The following PRKG1 variants were observed in gnomAD, a reference collection of about 807,000 sequenced individuals.
PRKG1 encodes protein kinase cGMP-dependent 1.
Under a neutral mutation model 88.1 loss-of-function variants are expected in PRKG1, and 35 were observed. The ratio of observed to expected loss-of-function variants is 0.40; its 90% CI spans 0.30 to 0.53. PRKG1 has a LOEUF of 0.53. Ranked by LOEUF, PRKG1 falls within the 20% of genes least tolerant of loss-of-function variation. PRKG1 has a pLI of 0.59. For synonymous variants in PRKG1, 303 were observed against 292.5 expected (o/e 1.04, Z -0.37); for missense variants, 540 against 839.8 (o/e 0.64, Z 4.41).
At chr10:51,662,997 C>A (rs1476397554) in intron 3 of PRKG1, among the ~76,000 whole-genome samples, 2 of 152,004 alleles carry the variant, frequency 1.3e-5, no homozygotes, top group African/African-American at 2.4e-5. Flanking sequence ...CTATGGAACT[C>A]AGGCAACTAC....
At chr10:51,193,926 C>T (rs1179811371) in intron 2 of PRKG1, among the ~76,000 whole-genome samples, 2 of 152,028 alleles carry the variant, frequency 1.3e-5, no homozygotes, top group African/African-American at 4.8e-5. Context: ...AAAGCAACAC[C>T]CTAAAACTTC....
chr10:51,206,788 A>T (rs2132065435), intron 2 of PRKG1, among the ~76,000 whole-genome samples: 1 of 152,332 alleles, frequency 6.6e-6, no homozygotes, highest in East Asian at 1.9e-4. Context: ...AACTGCAGTT[A>T]TAGCTTTTTG....
At chr10:51,524,087 C>T (rs57008804) in intron 3 of PRKG1, among the ~76,000 whole-genome samples, 2,630 of 152,236 alleles carry the variant, frequency 0.017, 54 homozygotes, top group African/African-American at 0.044. Context: ...GGTTCTCTTT[C>T]TTGTCCTTGC....
intron 3 of PRKG1, among the ~76,000 whole-genome samples, chr10:51,681,663 G>T (rs1055877732): frequency 6.6e-6 from 1 of 152,052 alleles, no homozygotes; most frequent in Non-Finnish European, 1.5e-5. Flanking sequence ...CACTTCACTT[G>T]AGCTGGTAGT....
chr10:51,591,283 TAAAAC>T (rs1838305936), intron 3 of PRKG1, among the ~76,000 whole-genome samples: 1 of 152,222 alleles, frequency 6.6e-6, no homozygotes, highest in Admixed American at 6.5e-5. Flanking sequence ...TTGTCAAATG[TAAAAC>T]TGTTGGTAGC....
chr10:51,447,446 G>A, intron 2 of PRKG1, among the ~76,000 whole-genome samples: 1 of 151,976 alleles, frequency 6.6e-6, no homozygotes, highest in East Asian at 1.9e-4. Context: ...GTCTTCAGTA[G>A]ATATATAAGA....
intron 2 of PRKG1, among the ~76,000 whole-genome samples, chr10:51,279,098 A>G (rs1011603271): frequency 3.3e-5 from 5 of 152,182 alleles, no homozygotes; most frequent in East Asian, 1.9e-4. Flanking sequence ...ATTTAGTGCT[A>G]TAAGTTTCCC....
chr10:51,955,140 A>G (rs1365531399), intron 5 of PRKG1, among the ~76,000 whole-genome samples: 2 of 151,842 alleles, frequency 1.3e-5, no homozygotes, highest in African/African-American at 4.8e-5. Context: ...TCTGTTGGGG[A>G]GTCTTTGAAA....
intron 5 of PRKG1, among the ~76,000 whole-genome samples, chr10:51,972,706 C>T (rs1843738996): frequency 6.6e-6 from 1 of 152,138 alleles, no homozygotes; most frequent in African/African-American, 2.4e-5. Flanking sequence ...TGACCTGTCC[C>T]TTACTTCTAG....
chr10:51,063,376 G>T (rs1405398429), intron 1 of PRKG1, among the ~76,000 whole-genome samples: 3 of 152,144 alleles, frequency 2.0e-5, no homozygotes, highest in Non-Finnish European at 1.5e-5. Context: ...CAGACTATAT[G>T]ATATAGCGTA....
intron 2 of PRKG1, among the ~76,000 whole-genome samples, chr10:51,449,537 C>A (rs979679017): frequency 6.2e-5 from 9 of 144,804 alleles, no homozygotes; most frequent in Non-Finnish European, 9.0e-5. Flanking sequence ...AAATAAAGGC[C>A]CAAGGCTAGC....
At chr10:51,411,864 C>G (rs1239281790) in intron 2 of PRKG1, among the ~76,000 whole-genome samples, 1 of 152,010 alleles carries the variant, frequency 6.6e-6, no homozygotes, top group Non-Finnish European at 1.5e-5. Flanking sequence ...GGATTTAAAA[C>G]CAACTAGAGG....
At chr10:51,690,963 C>T (rs1013652997) in intron 3 of PRKG1, among the ~76,000 whole-genome samples, 1 of 148,112 alleles carries the variant, frequency 6.8e-6, no homozygotes, top group Non-Finnish European at 1.5e-5. Flanking sequence ...AATTACGTTC[C>T]ATTATGTATA....
At chr10:51,682,732 A>C (rs1840882513) in intron 3 of PRKG1, among the ~76,000 whole-genome samples, 1 of 152,220 alleles carries the variant, frequency 6.6e-6, no homozygotes, top group Non-Finnish European at 1.5e-5. Context: ...TGAGGTGTAG[A>C]AATGAGTCAC....
Position 50,991,289 on chromosome 10 carries a change from T to TCCGCTGC in PRKG1, c.-88_-82dup. 1 of 1,452,642 alleles carries TCCGCTGC rather than the reference T, an allele frequency of 6.9e-7. No individual in the cohort carries two copies. The highest frequency in any genetic ancestry group is 9.0e-7 in the Non-Finnish European group (1 of 1,105,998). 90.0% of individuals were successfully genotyped at this position (1,452,642 alleles called of 1,614,324 possible). A position where few individuals can be genotyped will look rare whatever the true frequency, so the allele number is the denominator to read the frequency against. On this transcript the variant is annotated 5_prime_UTR_variant, in exon 1 of 18. Coordinates refer to the PRKG1 transcript ENST00000401604. The surrounding 1 kb of genome is among the most constrained non-coding windows in gnomAD (Gnocchi z 4.5). ...CCCATTCACTCGCTCACCCGCGCTC[T>TCCGCTGC]CCGCTGCCGGCTGCCGTCCCAGCCG... is the stretch of plus-strand genomic sequence containing the variant.
chr10:51,439,511 G>A (rs111559948), intron 2 of PRKG1, among the ~76,000 whole-genome samples: 2,149 of 151,880 alleles, frequency 0.014, 13 homozygotes, highest in Non-Finnish European at 0.018. Context: ...GTCTTCTGCA[G>A]CAAATGGAAA....
chr10:51,410,676 C>G (rs933115547), intron 2 of PRKG1, among the ~76,000 whole-genome samples: 25 of 152,014 alleles, frequency 1.6e-4, no homozygotes, highest in African/African-American at 5.3e-4. Flanking sequence ...CACAAACCCT[C>G]ATTGCAGATA....
chr10:51,951,693 A>AG (rs1219417089), intron 5 of PRKG1, among the ~76,000 whole-genome samples: 1 of 151,778 alleles, frequency 6.6e-6, no homozygotes, highest in East Asian at 1.9e-4. Flanking sequence ...AAGGAAAAAA[A>AG]ATAAAACAAT....
At chr10:51,750,390 CTG>C (rs1837692634) in intron 3 of PRKG1, among the ~76,000 whole-genome samples, 1 of 152,106 alleles carries the variant, frequency 6.6e-6, no homozygotes, top group Non-Finnish European at 1.5e-5. Context: ...TGAACATAGA[CTG>C]AATATGTTTA....
Sources: allele counts gnomAD v4.1 joint callset (sites outside exome capture counted in the v4.1 genomes callset), GRCh38; gene constraint gnomAD v4.1.1; non-coding constraint Gnocchi (gnomAD v3.1); transcripts MANE v1.5; gene names NCBI Gene and HGNC (gene_info 2026-07-23, HGNC 2026-07-21).